Variants in DIAPH3 observed in about 807,000 individuals in gnomAD.
The protein encoded by DIAPH3 is diaphanous related formin 3, also known as protein diaphanous homolog 3.
A neutral mutation model predicts 144.3 loss-of-function variants in DIAPH3; 117 were observed. The ratio of observed to expected loss-of-function variants is 0.81; its 90% CI spans 0.70 to 0.95. The LOEUF is 0.95. Among genes scored for constraint, DIAPH3 ranks in the 40% least tolerant of loss-of-function variants. The probability of loss-of-function intolerance (pLI) is 0.00; values close to 1 mark genes in which losing one functional copy is unlikely to be tolerated. For missense variants in DIAPH3, 1,421 were observed against 1,412.7 expected (o/e 1.01, Z -0.09); for synonymous variants, 519 against 488.9 (o/e 1.06, Z -0.81).
intron 4 of DIAPH3, 30 bp downstream of exon 4, chr13:60,093,598 A>G: frequency 7.1e-7 from 1 of 1,415,872 alleles, no homozygotes; most frequent in Non-Finnish European, 1.0e-6. Context: ...CATGTTCGGC[A>G]GTATTTTTCA....
intron 27 of DIAPH3, among the ~76,000 whole-genome samples, chr13:59,770,177 T>C (rs543465872): frequency 6.6e-6 from 1 of 152,186 alleles, no homozygotes; most frequent in African/African-American, 2.4e-5. Flanking sequence ...AGGGAGGAGA[T>C]GGGAAGCGGT....
At position 59,681,153 on chromosome 13, in the gene DIAPH3, T is replaced by C. The variant is rs1353213511; in HGVS notation, c.3320-14307A>G. On this transcript the variant is annotated intron_variant, in intron 27 of 27. Coordinates refer to ENST00000400324, the MANE Select transcript of DIAPH3 (RefSeq NM_001042517.2). The stretch of plus-strand genomic sequence containing the variant: ...TTCCAATGAGGTTTATTATGTGGCA[T>C]ATCACACATACTTTGTTAAAAAAAC... 2.6e-5 allele frequency among the ~76,000 whole-genome samples: 4 copies of C among 152,286 alleles called. No individual in the cohort carries two copies. In the East Asian group the frequency reaches 7.7e-4, roughly 29 times the overall value.
intron 2 of DIAPH3, among the ~76,000 whole-genome samples, chr13:60,120,527 T>A (rs1165080642): frequency 3.9e-5 from 6 of 152,208 alleles, no homozygotes; most frequent in Non-Finnish European, 8.8e-5. Context: ...CAAAAAATAC[T>A]TGATTATCTA....
intron 24 of DIAPH3, among the ~76,000 whole-genome samples, chr13:59,811,635 G>T (rs1748093746): frequency 6.6e-6 from 1 of 151,032 alleles, no homozygotes; most frequent in African/African-American, 2.4e-5. Flanking sequence ...TACTAGGGAG[G>T]CTGAGGCAGG....
At chr13:59,905,615 T>G (rs1422718693) in intron 20 of DIAPH3, among the ~76,000 whole-genome samples, 2 of 152,184 alleles carry the variant, frequency 1.3e-5, no homozygotes, top group Admixed American at 1.3e-4. Flanking sequence ...TTGAATGTGT[T>G]GCTTTACATA....
chr13:59,938,676 C>CA (rs1184669487), intron 17 of DIAPH3, among the ~76,000 whole-genome samples: 1 of 151,930 alleles, frequency 6.6e-6, no homozygotes, highest in Non-Finnish European at 1.5e-5. Context: ...TACCATCTAA[C>CA]TGCAACCCAA....
At chr13:60,087,114 C>A (rs1359017806) in intron 4 of DIAPH3, among the ~76,000 whole-genome samples, 1 of 152,106 alleles carries the variant, frequency 6.6e-6, no homozygotes, top group Non-Finnish European at 1.5e-5. Flanking sequence ...TAGGGAATAA[C>A]AAGAAAAGAA....
chr13:60,001,643 CA>C (rs1310996242), intron 9 of DIAPH3, among the ~76,000 whole-genome samples: 1 of 152,208 alleles, frequency 6.6e-6, no homozygotes, highest in Non-Finnish European at 1.5e-5. Flanking sequence ...GTACACCTTT[CA>C]AGACTATTTA....
intron 22 of DIAPH3, among the ~76,000 whole-genome samples, chr13:59,847,914 C>T (rs887851026): frequency 1.3e-5 from 2 of 152,146 alleles, no homozygotes; most frequent in African/African-American, 4.8e-5. Context: ...TAGCTGGCAC[C>T]TTAAACTCAC....
At chr13:59,913,732 C>A (rs2047099792) in intron 19 of DIAPH3, among the ~76,000 whole-genome samples, 1 of 152,020 alleles carries the variant, frequency 6.6e-6, no homozygotes, top group South Asian at 2.1e-4. Flanking sequence ...CCGAGGTGGG[C>A]AAATCACTTG....
intron 4 of DIAPH3, among the ~76,000 whole-genome samples, chr13:60,071,057 C>G (rs950472356): frequency 1.3e-5 from 2 of 152,156 alleles, no homozygotes; most frequent in Non-Finnish European, 2.9e-5. Flanking sequence ...TTTTTATTCT[C>G]ACTTCCACTC....
intron 20 of DIAPH3, among the ~76,000 whole-genome samples, chr13:59,895,419 C>T (rs1291629899): frequency 8.1e-6 from 1 of 122,954 alleles, no homozygotes. Context: ...AAACTTGATC[C>T]AATGTTAAAG....
intron 17 of DIAPH3, among the ~76,000 whole-genome samples, chr13:59,961,347 T>C (rs966316623): frequency 6.6e-6 from 1 of 152,192 alleles, no homozygotes; most frequent in Admixed American, 6.5e-5. Context: ...TCCCCCATTT[T>C]ATAGAGGAAA....
intron 12 of DIAPH3, among the ~76,000 whole-genome samples, chr13:59,988,214 G>A (rs2051557072): frequency 6.6e-6 from 1 of 151,724 alleles, no homozygotes; most frequent in Admixed American, 6.6e-5. Context: ...GTTAATCTAT[G>A]CTTGCCTCTA....
intron 25 of DIAPH3, among the ~76,000 whole-genome samples, chr13:59,791,431 C>A (rs769509459): frequency 2.0e-5 from 3 of 152,090 alleles, no homozygotes; most frequent in Admixed American, 6.6e-5. Flanking sequence ...TTCTCACTCC[C>A]CTCTTTCAAA....
At chr13:59,864,801 A>C (rs1052517645) in intron 21 of DIAPH3, among the ~76,000 whole-genome samples, 15 of 152,032 alleles carry the variant, frequency 9.9e-5, no homozygotes, top group African/African-American at 3.6e-4. Context: ...CTTGTTGAAA[A>C]CATCAACTGA....
chr13:59,902,820 A>G (rs2046517877), intron 20 of DIAPH3, among the ~76,000 whole-genome samples: 1 of 152,186 alleles, frequency 6.6e-6, no homozygotes, highest in Admixed American at 6.5e-5. Context: ...CAATGACTGA[A>G]TGCTTATCTT....
intron 9 of DIAPH3, among the ~76,000 whole-genome samples, chr13:59,997,379 G>C (rs565565875): frequency 2.6e-5 from 4 of 151,968 alleles, no homozygotes; most frequent in Non-Finnish European, 4.4e-5. Flanking sequence ...ACAGGAGTTC[G>C]TTCCTTTTTA....
intron 1 of DIAPH3, among the ~76,000 whole-genome samples, chr13:60,142,338 T>C (rs1182463035): frequency 1.3e-5 from 2 of 152,162 alleles, no homozygotes; most frequent in African/African-American, 2.4e-5. Flanking sequence ...CAGAAGGTAT[T>C]AGAAATACTC....
Sources: gnomAD v4.1 joint callset for allele counts (sites outside exome capture counted in the v4.1 genomes callset) on GRCh38, gnomAD v4.1.1 for gene constraint, MANE v1.5 for transcripts, NCBI Gene and HGNC (gene_info 2026-07-23, HGNC 2026-07-21) for gene names.